USP15: variants seen among roughly 807,000 people sequenced by gnomAD.
The protein encoded by USP15 is ubiquitin carboxyl-terminal hydrolase 15.
Under a neutral mutation model 127.1 loss-of-function variants are expected in USP15, and 18 were observed. That is an observed-to-expected ratio of 0.14 (90% confidence interval 0.10 to 0.21). USP15 has a LOEUF of 0.21. Among genes scored for constraint, USP15 ranks in the 10% least tolerant of loss-of-function variants. USP15 has a pLI of 1.00. For missense variants in USP15, 805 were observed against 1,159.9 expected, an observed-to-expected ratio of 0.69 and a Z score of 4.44; for synonymous variants, 364 against 393.7, an observed-to-expected ratio of 0.92 and a Z score of 0.89.
rs2067895929 is a variant in USP15 at position 62,407,173 on chromosome 12, C to T, written c.*2798C>T. 1 of 152,110 alleles carries T rather than the reference C, an allele frequency of 6.6e-6. No individual in the cohort carries two copies. The highest frequency in any genetic ancestry group is 2.4e-5 in the African/African-American group (1 of 41,406). The allele number at this position is 152,110 out of a possible 1,614,324, so 9.4% of individuals were successfully genotyped here. ...GGCACTATATTAAAGTGTTTATATG[C>T]ATTCTCTCATTTAATCCCACAACAG... On this transcript the variant is annotated 3_prime_UTR_variant, in exon 22 of 22. Coordinates refer to ENST00000280377, the MANE Select transcript of USP15 (RefSeq NM_001252078.2).
chr12:62,277,364 A>G (rs1388270123), intron 1 of USP15, among the ~76,000 whole-genome samples: 1 of 152,206 alleles, frequency 6.6e-6, no homozygotes, highest in Non-Finnish European at 1.5e-5. Context: ...AGGGGATGGT[A>G]TTAGGGAAGC....
Position 62,314,777 on chromosome 12 carries a change from T to C in USP15, c.349-13T>C. 1 of 1,539,266 alleles carries C rather than the reference T, an allele frequency of 6.5e-7. No individual in the cohort carries two copies. Among genetic ancestry groups the C allele is most frequent in the East Asian group, 2.4e-5 (1 of 41,252 alleles). On this transcript the variant is annotated splice_polypyrimidine_tract_variant and intron_variant, in intron 3 of 21. Coordinates refer to ENST00000280377, the MANE Select transcript of USP15 (RefSeq NM_001252078.2). ...TATAGGTGACACTGATTTGTTTTGT[T>C]TCATTATTTTAGGTGGTTGAACAGG...
chr12:62,357,583 C>T (rs1367635376), intron 8 of USP15, among the ~76,000 whole-genome samples: 1 of 151,878 alleles, frequency 6.6e-6, no homozygotes, highest in East Asian at 1.9e-4. Flanking sequence ...AAAATTTTAG[C>T]AGTGAGTATT....
At position 62,396,309 on chromosome 12, in the gene USP15, C is replaced by G. The variant is rs754226149; in HGVS notation, c.2585C>G (p.Ser862Trp). Residue 862 changes from serine (S) to tryptophan (W), a missense_variant, in exon 20 of 22, where the codon TCG becomes TGG. Transcript: ENST00000280377. Reference sequence around the variant, plus strand: ...TTTTTAAACAGTGACTTGGATATGTCGGAATTCTTAATTAATCCAAATGCA... The same window carrying G: ...TTTTTAAACAGTGACTTGGATATGTGGGAATTCTTAATTAATCCAAATGCA... ...VDFPINDLDM[S>W]EFLINPNAGP... The G allele has an allele frequency of 5.1e-6, 8 of 1,583,024 alleles. No homozygotes were observed. The highest frequency in any genetic ancestry group is 2.7e-5 in the African/African-American group (2 of 72,932).
chr12:62,383,224 G>C (rs1032048948), intron 9 of USP15, among the ~76,000 whole-genome samples: 4 of 151,830 alleles, frequency 2.6e-5, no homozygotes, highest in Non-Finnish European at 5.9e-5. Context: ...TACTCCTAGG[G>C]AAACTATAGG....
At chr12:62,332,352 A>G (rs1248031599) in intron 6 of USP15, among the ~76,000 whole-genome samples, 2 of 151,970 alleles carry the variant, frequency 1.3e-5, no homozygotes, top group African/African-American at 4.8e-5. Flanking sequence ...ATCTTTTCTA[A>G]TGATACCTTA....
Position 62,383,842 on chromosome 12 carries a change from A to G in USP15, c.1092A>G (p.Thr364=), listed in dbSNP as rs1199170892. The G allele has an allele frequency of 1.3e-5, 21 of 1,610,878 alleles. No homozygotes were observed. Among genetic ancestry groups the G allele is most frequent in the Non-Finnish European group, 1.8e-5 (21 of 1,178,398 alleles). The change falls in exon 10 of 22, where the codon ACA becomes ACG. Residue 364 remains threonine (T), a splice_region_variant and synonymous_variant. Coordinates refer to ENST00000280377, the MANE Select transcript of USP15 (RefSeq NM_001252078.2). ...FSYVTPRAFK[T]QVGRFAPQFS... is the part of the protein sequence containing the mutation. ...TGATGGTTTTGCATTTCTTACAGAC[A>G]CAGGTAGGACGTTTTGCACCTCAGT...
Position 62,406,497 on chromosome 12 carries a change from A to G in USP15, c.*2122A>G, listed in dbSNP as rs2067872574. 6.6e-6 allele frequency: 1 copy of G among 152,178 alleles called. No individual in the cohort carries two copies. The highest frequency in any genetic ancestry group is 2.1e-4 in the South Asian group (1 of 4,826). The allele number at this position is 152,178 out of a possible 1,614,324, so 9.4% of individuals were successfully genotyped here. A position where few individuals can be genotyped will look rare whatever the true frequency, so the allele number is the denominator to read the frequency against. On this transcript the variant is annotated 3_prime_UTR_variant, in exon 22 of 22. Coordinates refer to ENST00000280377, the MANE Select transcript of USP15 (RefSeq NM_001252078.2). ...AAACCTATATTGTGGTCTCCATCCTAATTCTTCAGAGACCACTTTCTTTTT... is the reference window on the plus strand; with the variant it reads ...AAACCTATATTGTGGTCTCCATCCTGATTCTTCAGAGACCACTTTCTTTTT...
chr12:62,355,188 C>G, intron 7 of USP15, 143 bp from the exon 8 acceptor site: 1 of 745,828 alleles, frequency 1.3e-6, no homozygotes, highest in Non-Finnish European at 2.0e-6. Flanking sequence ...AGGTTCAAGT[C>G]TTTAAAAAAG....
intron 1 of USP15, among the ~76,000 whole-genome samples, chr12:62,271,743 A>G (rs1016630278): frequency 5.3e-5 from 8 of 151,852 alleles, no homozygotes; most frequent in African/African-American, 1.7e-4. Flanking sequence ...GGAGAGACAT[A>G]CACATTTAAG....
At chr12:62,320,578 G>A (rs1388423610) in intron 4 of USP15, among the ~76,000 whole-genome samples, 2 of 152,064 alleles carry the variant, frequency 1.3e-5, no homozygotes, top group African/African-American at 2.4e-5. Flanking sequence ...AGATAACGCT[G>A]TTGATATTTT....
Position 62,370,549 on chromosome 12 carries a change from A to T in USP15, c.916-10941A>T, listed in dbSNP as rs964333193. 6.6e-5 allele frequency among the ~76,000 whole-genome samples: 10 copies of T among 152,208 alleles called. 1 individual carries two copies. The highest frequency in any genetic ancestry group is 4.4e-5 in the Non-Finnish European group (3 of 68,036). On this transcript the variant is annotated intron_variant, in intron 8 of 21. Coordinates refer to ENST00000280377, the MANE Select transcript of USP15 (RefSeq NM_001252078.2). ...TAGTTTCTTCATCTGTGAAATGAAG[A>T]TAAAGTGCTTAGGAAGTGCTTGGCA...
At chr12:62,261,224 A>G (rs1432802706) in intron 1 of USP15, among the ~76,000 whole-genome samples, 1 of 152,168 alleles carries the variant, frequency 6.6e-6, no homozygotes, top group African/African-American at 2.4e-5. Flanking sequence ...AAAAGTAGAT[A>G]AGTCCACTTG....
intron 16 of USP15, 117 bp from the exon 17 acceptor site, chr12:62,391,699 C>T (rs930775244): frequency 7.8e-5 from 77 of 984,714 alleles, no homozygotes; most frequent in Non-Finnish European, 1.0e-4. Flanking sequence ...GCCCTAATCA[C>T]CAGTACAAGT....
chr12:62,315,516 T>A (rs962978165), intron 4 of USP15, among the ~76,000 whole-genome samples: 5 of 152,154 alleles, frequency 3.3e-5, no homozygotes, highest in Non-Finnish European at 7.4e-5. Context: ...TAAATGATTA[T>A]GAATTTAATA....
At chr12:62,260,614 G>C (rs1349691810) in intron 1 of USP15, 111 bp downstream of exon 1, 4 of 1,014,362 alleles carry the variant, frequency 3.9e-6, no homozygotes, top group Non-Finnish European at 5.8e-6. Context: ...GTCCGGCGGC[G>C]GCCGCCGGGG....
intron 17 of USP15, among the ~76,000 whole-genome samples, 180 bp from the exon 18 acceptor site, chr12:62,392,092 T>G (rs1392617961): frequency 6.6e-6 from 1 of 152,094 alleles, no homozygotes; most frequent in Non-Finnish European, 1.5e-5. Context: ...GAACGTGTTT[T>G]GGTCATCCAT....
chr12:62,298,823 T>C (rs2064212397), intron 2 of USP15, among the ~76,000 whole-genome samples: 2 of 117,012 alleles, frequency 1.7e-5, no homozygotes, highest in Non-Finnish European at 3.4e-5. Context: ...AGTAAGACCC[T>C]GTCTTGCAAA....
At chr12:62,336,955 T>C (rs1027086792) in intron 6 of USP15, among the ~76,000 whole-genome samples, 2 of 152,230 alleles carry the variant, frequency 1.3e-5, no homozygotes, top group African/African-American at 4.8e-5. Flanking sequence ...TTTATAGTAT[T>C]AAAATCTTTC....
Sources: allele counts gnomAD v4.1 joint callset (sites outside exome capture counted in the v4.1 genomes callset), GRCh38; gene constraint gnomAD v4.1.1; transcripts MANE v1.5; gene names NCBI Gene and HGNC (gene_info 2026-07-23, HGNC 2026-07-21).